The following PKHD1 variants were observed in gnomAD, a reference collection of about 807,000 sequenced individuals.
PKHD1 encodes the protein fibrocystin.
Under a neutral mutation model 412.0 loss-of-function variants are expected in PKHD1, and 291 were observed. The ratio of observed to expected loss-of-function variants is 0.71; its 90% CI spans 0.64 to 0.78. PKHD1 has a LOEUF of 0.78. Among genes scored for constraint, PKHD1 ranks in the 30% least tolerant of loss-of-function variants. The pLI is 0.00. For synonymous variants in PKHD1, 1,777 were observed against 1,821.5 expected, an observed-to-expected ratio of 0.98 and a Z score of 0.62; for missense variants, 4,825 against 4,950.7, an observed-to-expected ratio of 0.97 and a Z score of 0.76.
intron 40 of PKHD1, among the ~76,000 whole-genome samples, chr6:51,906,982 C>T (rs1321522): frequency 0.31 from 46,595 of 151,886 alleles, 8,707 homozygotes; most frequent in East Asian, 0.74. Context: ...GATCTGGTTA[C>T]GAGGCCTAGA....
At position 51,748,501 on chromosome 6, in the gene PKHD1, T is replaced by C. The variant is rs764536398; in HGVS notation, c.9115A>G (p.Asn3039Asp). ...GCTGTGCCAAACACAATATTGTCAT[T>C]TAAAAGTACTCCATGACTGGCAGCT... The part of the protein sequence containing the change: ...HAAASHGVLL[N>D]DNIVFGTAGH... The change falls in exon 58 of 67, where the codon AAT (asparagine) becomes GAT (aspartate). Residue 3039 changes from asparagine (N) to aspartate (D), a missense_variant. By Grantham distance (23) the Asn-to-Asp change is conservative. Coordinates refer to ENST00000371117, the MANE Select transcript of PKHD1 (RefSeq NM_138694.4). 6.2e-7 allele frequency: 1 copy of C among 1,613,944 alleles called. No individual in the cohort carries two copies. Among genetic ancestry groups the C allele is most frequent in the Non-Finnish European group, 8.5e-7 (1 of 1,179,920 alleles).
chr6:51,969,587 AT>A (rs1254766405), intron 35 of PKHD1, among the ~76,000 whole-genome samples: 1 of 152,106 alleles, frequency 6.6e-6, no homozygotes, highest in Admixed American at 6.6e-5. Context: ...TCCAGTGTCT[AT>A]TATTCCACTA....
chr6:52,039,957 A>C, intron 27 of PKHD1, among the ~76,000 whole-genome samples: 1 of 152,258 alleles, frequency 6.6e-6, no homozygotes, highest in East Asian at 1.9e-4. Flanking sequence ...ATGTTACAAC[A>C]TACATGAACC....
At chr6:52,067,149 T>A (rs945157657) in intron 11 of PKHD1, among the ~76,000 whole-genome samples, 1 of 152,168 alleles carries the variant, frequency 6.6e-6, no homozygotes. Flanking sequence ...TTTTTGCCCA[T>A]GAGACAAAGC....
At chr6:51,814,209 A>G (rs981048590) in intron 52 of PKHD1, among the ~76,000 whole-genome samples, 1 of 152,228 alleles carries the variant, frequency 6.6e-6, no homozygotes, top group Non-Finnish European at 1.5e-5. Flanking sequence ...AAACATTTTT[A>G]ATTCATTCAG....
intron 36 of PKHD1, among the ~76,000 whole-genome samples, chr6:51,948,372 C>T (rs187717560): frequency 6.6e-6 from 1 of 152,244 alleles, no homozygotes; most frequent in Admixed American, 6.5e-5. Context: ...CCCCCTTGTT[C>T]CAATACTCCT....
intron 49 of PKHD1, among the ~76,000 whole-genome samples, chr6:51,853,122 G>A (rs1226764251): frequency 6.6e-6 from 1 of 152,072 alleles, no homozygotes; most frequent in African/African-American, 2.4e-5. Context: ...AATCCCTCAG[G>A]ATTTGCTTAT....
At position 52,033,012 on chromosome 6, in the gene PKHD1, C is replaced by G; in HGVS notation, c.3364+18G>C. Reference sequence around the variant, plus strand: ...ATGCTCTAAGAAGAAAAAGATCTTGCAGTATCACATATTTTACCTGCTATA... The same window carrying G: ...ATGCTCTAAGAAGAAAAAGATCTTGGAGTATCACATATTTTACCTGCTATA... On this transcript the variant is annotated intron_variant, in intron 29 of 66. Transcript: ENST00000371117. 6.2e-7 allele frequency: 1 copy of G among 1,601,404 alleles called. No individual in the cohort carries two copies. The highest frequency in any genetic ancestry group is 8.6e-7 in the Non-Finnish European group (1 of 1,168,866).
At chr6:51,628,173 C>A (rs985221780) in intron 65 of PKHD1, among the ~76,000 whole-genome samples, 2 of 152,064 alleles carry the variant, frequency 1.3e-5, no homozygotes, top group Non-Finnish European at 2.9e-5. Flanking sequence ...GATTTCATCA[C>A]CCAAGTAGTG....
At chr6:51,721,577 G>C (rs1359163440) in intron 60 of PKHD1, 3 of 1,005,924 alleles carry the variant, frequency 3.0e-6, no homozygotes, top group Non-Finnish European at 3.6e-6. Flanking sequence ...TTTAATATCT[G>C]AATTGCTCCT....
At chr6:51,859,914 A>G (rs577513174) in intron 48 of PKHD1, among the ~76,000 whole-genome samples, 1 of 152,312 alleles carries the variant, frequency 6.6e-6, no homozygotes, top group African/African-American at 2.4e-5. Context: ...TCTAGTCAGA[A>G]TCCAATAATC....
chr6:51,866,889 T>C (rs1775151501), intron 48 of PKHD1, among the ~76,000 whole-genome samples: 1 of 152,120 alleles, frequency 6.6e-6, no homozygotes, highest in Non-Finnish European at 1.5e-5. Context: ...CTCACTGGAA[T>C]TGGGCTCATT....
At chr6:51,938,101 C>A (rs1271027) in intron 36 of PKHD1, among the ~76,000 whole-genome samples, 1 of 146,264 alleles carries the variant, frequency 6.8e-6, no homozygotes, top group Non-Finnish European at 1.5e-5. Context: ...TAATGAAAGG[C>A]CACAAGGCTA....
intron 35 of PKHD1, among the ~76,000 whole-genome samples, chr6:51,981,304 GCTCAAGCTCTCCCTCTCC>G (rs1345780555): frequency 1.1e-3 from 25 of 22,040 alleles, no homozygotes; most frequent in Admixed American, 3.6e-3. Context: ...AGGCTCCAAA[GCTCAAGCTCTCCCTCTCC>G]CTCTCCCTCT....
intron 60 of PKHD1, among the ~76,000 whole-genome samples, chr6:51,714,065 C>A (rs766658296): frequency 2.0e-5 from 3 of 151,958 alleles, no homozygotes; most frequent in Non-Finnish European, 4.4e-5. Context: ...ATGAAGAATT[C>A]ATAACACATT....
chr6:51,837,706 T>C (rs6458797), intron 50 of PKHD1, among the ~76,000 whole-genome samples: 92,106 of 151,872 alleles, frequency 0.61, 29,047 homozygotes, highest in African/African-American at 0.76. Flanking sequence ...GACTCTGTCT[T>C]GAAAAAACTA....
intron 52 of PKHD1, among the ~76,000 whole-genome samples, chr6:51,830,209 TC>T (rs1487630107): frequency 6.6e-6 from 1 of 152,130 alleles, no homozygotes; most frequent in African/African-American, 2.4e-5. Flanking sequence ...AAAAACATTT[TC>T]TTCTCAGGCT....
At chr6:51,931,137 C>T (rs1229525769) in intron 37 of PKHD1, among the ~76,000 whole-genome samples, 1 of 152,130 alleles carries the variant, frequency 6.6e-6, no homozygotes, top group African/African-American at 2.4e-5. Flanking sequence ...TGATTAACCA[C>T]TTGAACCAGT....
At chr6:51,945,605 T>C (rs1789342462) in intron 36 of PKHD1, among the ~76,000 whole-genome samples, 1 of 152,216 alleles carries the variant, frequency 6.6e-6, no homozygotes, top group Admixed American at 6.5e-5. Flanking sequence ...TTAAGCAAGA[T>C]ATGAGATGCA....
Sources: gnomAD v4.1 joint callset for allele counts (sites outside exome capture counted in the v4.1 genomes callset) on GRCh38, gnomAD v4.1.1 for gene constraint, MANE v1.5 for transcripts, NCBI Gene and HGNC (gene_info 2026-07-23, HGNC 2026-07-21) for gene names.